The following FBLN2 variants were observed in gnomAD, a reference collection of about 807,000 sequenced individuals.
FBLN2 encodes the protein fibulin 2.
FBLN2 carries 81 observed loss-of-function variants against 123.7 expected under a neutral mutation model. That is an observed-to-expected ratio of 0.65 (90% CI 0.55 to 0.79). The LOEUF is 0.79. Ranked by LOEUF, FBLN2 falls within the 30% of genes least tolerant of loss-of-function variation. The pLI, the probability that FBLN2 is intolerant of heterozygous loss-of-function variation, is 0.00. For synonymous variants in FBLN2, 699 were observed against 701.4 expected, an observed-to-expected ratio of 1.00 and a Z score of 0.05; for missense variants, 1,603 against 1,681.3, an observed-to-expected ratio of 0.95 and a Z score of 0.81.
chr3:13,589,041 T>TCATAGTTCTTTCTGAGAAGGGACAGTGCA (rs1704590815), intron 2 of FBLN2, among the ~76,000 whole-genome samples: 2 of 152,156 alleles, frequency 1.3e-5, no homozygotes, highest in African/African-American at 4.8e-5. Flanking sequence ...AAGAGAGAAT[T>TCATAGTTCTTTCTGAGAAGGGACAGTGCA]CATAGTTCTT....
chr3:13,573,080 T>C (rs1028524583), intron 2 of FBLN2, among the ~76,000 whole-genome samples: 1 of 152,070 alleles, frequency 6.6e-6, no homozygotes, highest in African/African-American at 2.4e-5. Context: ...CCCACAGACA[T>C]TGGAAAGGCC....
At chr3:13,614,194 T>C in intron 5 of FBLN2, 30 bp downstream of exon 5, 2 of 1,600,298 alleles carry the variant, frequency 1.2e-6, no homozygotes, top group Non-Finnish European at 8.5e-7. Flanking sequence ...GGCTGCGGCA[T>C]ATAGGGCGAA....
chr3:13,612,340 T>TTTCTTTC (rs367582176), intron 4 of FBLN2, among the ~76,000 whole-genome samples: 2 of 62,310 alleles, frequency 3.2e-5, no homozygotes, highest in African/African-American at 1.1e-4. Context: ...TCTTTCTTTC[T>TTTCTTTC]TTTCTTTCTT....
intron 7 of FBLN2, among the ~76,000 whole-genome samples, chr3:13,619,234 G>A (rs1207013169): frequency 1.3e-5 from 2 of 152,176 alleles, no homozygotes; most frequent in African/African-American, 4.8e-5. Flanking sequence ...CTAGGGCCTG[G>A]TGTGTGACCC....
intron 1 of FBLN2, among the ~76,000 whole-genome samples, chr3:13,553,520 G>A (rs562513971): frequency 3.9e-5 from 6 of 152,306 alleles, no homozygotes; most frequent in South Asian, 2.1e-4. Context: ...CCACAAACTC[G>A]CCTCAGCTGG....
intron 16 of FBLN2, among the ~76,000 whole-genome samples, chr3:13,634,537 G>A (rs1412887338): frequency 6.6e-6 from 1 of 152,254 alleles, no homozygotes; most frequent in Non-Finnish European, 1.5e-5. Flanking sequence ...TCACTGGAGC[G>A]GGCCACCGGG....
chr3:13,625,566 C>T (rs544193968), intron 9 of FBLN2, among the ~76,000 whole-genome samples: 7 of 152,114 alleles, frequency 4.6e-5, no homozygotes, highest in South Asian at 2.1e-4. Context: ...ACCTCACAGC[C>T]GGCCCTCACT....
intron 1 of FBLN2, among the ~76,000 whole-genome samples, chr3:13,563,256 C>G (rs1703658990): frequency 6.6e-6 from 1 of 152,216 alleles, no homozygotes; most frequent in African/African-American, 2.4e-5. Context: ...TCCATGGCCA[C>G]TGTGGGTGCC....
chr3:13,618,702 A>C, intron 6 of FBLN2, among the ~76,000 whole-genome samples: 5 of 147,318 alleles, frequency 3.4e-5, no homozygotes, highest in South Asian at 2.2e-4. Context: ...CTTTCCTTCT[A>C]CCCCCTCTGC....
At chr3:13,590,881 C>T (rs536007168) in intron 2 of FBLN2, among the ~76,000 whole-genome samples, 1 of 152,356 alleles carries the variant, frequency 6.6e-6, no homozygotes, top group East Asian at 1.9e-4. Flanking sequence ...GCATTCTCGT[C>T]TGCGTCTTTG....
chr3:13,553,200 C>T (rs1305788779), intron 1 of FBLN2, among the ~76,000 whole-genome samples: 1 of 152,308 alleles, frequency 6.6e-6, no homozygotes, highest in East Asian at 1.9e-4. Context: ...CGGAGGCCCT[C>T]CAGTCCTGGT....
intron 2 of FBLN2, among the ~76,000 whole-genome samples, chr3:13,592,630 TATTTATTC>T (rs1052267314): frequency 2.6e-5 from 4 of 152,236 alleles, no homozygotes; most frequent in African/African-American, 9.6e-5. Flanking sequence ...TATATCCCCC[TATTTATTC>T]AGGTTGTTTT....
At chr3:13,582,549 A>G (rs1483285522) in intron 2 of FBLN2, among the ~76,000 whole-genome samples, 1 of 152,170 alleles carries the variant, frequency 6.6e-6, no homozygotes, top group Non-Finnish European at 1.5e-5. Flanking sequence ...CTCGGCCTCC[A>G]TGCTGGGAAA....
chr3:13,570,175 C>T, intron 1 of FBLN2, 140 bp from the exon 2 acceptor site: 1 of 844,084 alleles, frequency 1.2e-6, no homozygotes. Flanking sequence ...GTGTGTGAGG[C>T]AGTGCTTAGT....
intron 1 of FBLN2, among the ~76,000 whole-genome samples, chr3:13,561,713 TCAGA>T: frequency 6.6e-6 from 1 of 152,196 alleles, no homozygotes; most frequent in Non-Finnish European, 1.5e-5. Context: ...CTTCCCCCCA[TCAGA>T]ACATTGGCTG....
intron 2 of FBLN2, among the ~76,000 whole-genome samples, chr3:13,595,574 G>A (rs1002564100): frequency 5.3e-5 from 8 of 152,106 alleles, no homozygotes; most frequent in African/African-American, 1.9e-4. Context: ...GGGAACATCA[G>A]GGCTGCAGCC....
At chr3:13,621,575 C>T (rs1052961934) in intron 8 of FBLN2, among the ~76,000 whole-genome samples, 200 bp from the exon 9 acceptor site, 1 of 152,162 alleles carries the variant, frequency 6.6e-6, no homozygotes, top group African/African-American at 2.4e-5. Flanking sequence ...CTCACCTCAC[C>T]ACCGTCCTTA....
chr3:13,568,391 G>A (rs180805956), intron 1 of FBLN2, among the ~76,000 whole-genome samples: 1 of 152,236 alleles, frequency 6.6e-6, no homozygotes, highest in East Asian at 1.9e-4. Context: ...GCCTCTCTTC[G>A]CTCACTGCCC....
intron 2 of FBLN2, among the ~76,000 whole-genome samples, chr3:13,586,226 C>A (rs533318470): frequency 1.5e-4 from 23 of 152,292 alleles, no homozygotes; most frequent in African/African-American, 5.5e-4. Flanking sequence ...GCTCTGTCCC[C>A]TAGGCTGGAG....
Sources: gnomAD v4.1 joint callset for allele counts (sites outside exome capture counted in the v4.1 genomes callset) on GRCh38, gnomAD v4.1.1 for gene constraint, MANE v1.5 for transcripts, NCBI Gene and HGNC (gene_info 2026-07-23, HGNC 2026-07-21) for gene names.